The following ALK variants were observed in gnomAD, a reference collection of about 807,000 sequenced individuals.
ALK encodes the protein ALK tyrosine kinase receptor.
A neutral mutation model predicts 163.1 loss-of-function variants in ALK; 74 were observed. The ratio of observed to expected loss-of-function variants is 0.45; its 90% confidence interval spans 0.38 to 0.55. The LOEUF is 0.55. Ranked by LOEUF, ALK falls within the 20% of genes least tolerant of loss-of-function variation. The pLI is 0.00. For missense variants in ALK, 2,063 were observed against 2,105.3 expected, an observed-to-expected ratio of 0.98 and a Z score of 0.39; for synonymous variants, 960 against 843.2, an observed-to-expected ratio of 1.14 and a Z score of -2.40.
intron 3 of ALK, among the ~76,000 whole-genome samples, chr2:29,572,613 A>G (rs1295052811): frequency 6.6e-6 from 1 of 152,050 alleles, no homozygotes; most frequent in Non-Finnish European, 1.5e-5. Context: ...TCTTCACCAG[A>G]GCACCTCCCA....
intron 1 of ALK, among the ~76,000 whole-genome samples, chr2:29,865,741 A>G (rs970057706): frequency 2.0e-5 from 3 of 152,366 alleles, no homozygotes; most frequent in East Asian, 3.9e-4. Flanking sequence ...TGAAAAGATA[A>G]GTTTACTCAA....
intron 5 of ALK, among the ~76,000 whole-genome samples, chr2:29,379,642 T>C (rs2148298590): frequency 6.6e-6 from 1 of 152,260 alleles, no homozygotes; most frequent in South Asian, 2.1e-4. Flanking sequence ...GGCCCCTTTT[T>C]CTATTATTTT....
intron 4 of ALK, among the ~76,000 whole-genome samples, chr2:29,398,093 G>T (rs1272274791): frequency 1.3e-5 from 2 of 152,194 alleles, no homozygotes; most frequent in African/African-American, 4.8e-5. Context: ...TTTAAGGGAT[G>T]CTGAGCCTGC....
At chr2:29,370,537 C>T (rs1305862863) in intron 5 of ALK, among the ~76,000 whole-genome samples, 1 of 152,228 alleles carries the variant, frequency 6.6e-6, no homozygotes, top group African/African-American at 2.4e-5. Flanking sequence ...ATTTCACAAA[C>T]GATTGAAAGG....
intron 4 of ALK, among the ~76,000 whole-genome samples, chr2:29,413,687 A>G (rs548187387): frequency 5.3e-5 from 8 of 152,174 alleles, no homozygotes; most frequent in African/African-American, 1.7e-4. Flanking sequence ...ACCCTCCACC[A>G]TGCCCGGCTA....
Position 29,346,090 on chromosome 2 carries a change from G to A in ALK, c.1283-17609C>T, listed in dbSNP as rs368774513. 6.6e-5 allele frequency among the ~76,000 whole-genome samples: 10 copies of A among 152,298 alleles called. No homozygotes were observed. The South Asian group carries it at 1.7e-3, about 25-fold the overall frequency. On this transcript the variant is annotated intron_variant, in intron 5 of 28. Transcript: ENST00000389048. ...AAGGAAGTAAATTTCTCTAAAAGAAGCATGAGTGAGTCAGTCCTTCTTTTT... is the reference window on the plus strand; with the variant it reads ...AAGGAAGTAAATTTCTCTAAAAGAAACATGAGTGAGTCAGTCCTTCTTTTT...
chr2:29,852,385 C>T (rs1382656377), intron 1 of ALK, among the ~76,000 whole-genome samples: 1 of 152,156 alleles, frequency 6.6e-6, no homozygotes, highest in Non-Finnish European at 1.5e-5. Flanking sequence ...AACAGACTAG[C>T]AGCCCCACTC....
At chr2:29,352,331 T>G (rs6716914) in intron 5 of ALK, among the ~76,000 whole-genome samples, 139,053 of 152,318 alleles carry the variant, frequency 0.91, 63,523 homozygotes, top group East Asian at 1. Flanking sequence ...GCCTTTAAAA[T>G]CTGTGTGGGG....
At chr2:29,456,084 T>C (rs981713305) in intron 4 of ALK, among the ~76,000 whole-genome samples, 1 of 152,130 alleles carries the variant, frequency 6.6e-6, no homozygotes, top group African/African-American at 2.4e-5. Flanking sequence ...GTGGGTAAGG[T>C]GGAGGAGAAA....
intron 1 of ALK, among the ~76,000 whole-genome samples, chr2:29,840,565 G>T (rs1285443739): frequency 6.6e-6 from 1 of 151,914 alleles, no homozygotes; most frequent in East Asian, 1.9e-4. Flanking sequence ...CTTTCCCTTT[G>T]CATCTCAGAA....
chr2:29,841,400 C>T (rs1665694597), intron 1 of ALK, among the ~76,000 whole-genome samples: 1 of 152,206 alleles, frequency 6.6e-6, no homozygotes, highest in Non-Finnish European at 1.5e-5. Flanking sequence ...ATCCAAGTTT[C>T]CTTAATGCAG....
chr2:29,750,428 C>T (rs1268350581), intron 1 of ALK, among the ~76,000 whole-genome samples: 1 of 152,026 alleles, frequency 6.6e-6, no homozygotes, highest in Non-Finnish European at 1.5e-5. Flanking sequence ...CTTTGGAGGC[C>T]AAGGTGGGAG....
rs772870698 is a variant in ALK at position 29,196,727 on chromosome 2, T to C, written c.4164+43A>G. ...CGGTATTTGCCATCTTTAAGACTGTTTCATATAGAGTAAATGTTGACCAAA... is the reference window on the plus strand; with the variant it reads ...CGGTATTTGCCATCTTTAAGACTGTCTCATATAGAGTAAATGTTGACCAAA... On this transcript the variant is annotated intron_variant, in intron 28 of 28. Transcript: ENST00000389048. 15 of 1,434,972 alleles carry C rather than the reference T, an allele frequency of 1.0e-5. No individual in the cohort carries two copies. In the Middle Eastern group the frequency reaches 8.7e-4, roughly 83 times the overall value. The allele number at this position is 1,434,972 out of a possible 1,614,324, so 88.9% of individuals were successfully genotyped here.
intron 3 of ALK, among the ~76,000 whole-genome samples, chr2:29,614,194 C>T (rs748391548): frequency 1.4e-4 from 22 of 152,188 alleles, no homozygotes; most frequent in Admixed American, 1.1e-3. Flanking sequence ...GCCTGCCTCC[C>T]GAACCCTTAG....
chr2:29,489,758 A>G (rs1671857544), intron 4 of ALK, among the ~76,000 whole-genome samples: 1 of 152,248 alleles, frequency 6.6e-6, no homozygotes, highest in South Asian at 2.1e-4. Flanking sequence ...AGGGATGAAG[A>G]GCTGTCTCAG....
intron 3 of ALK, among the ~76,000 whole-genome samples, chr2:29,555,772 A>G (rs1673838365): frequency 1.3e-5 from 2 of 152,184 alleles, no homozygotes; most frequent in Non-Finnish European, 2.9e-5. Context: ...CAGACTCCCA[A>G]TTTCTTTGGA....
At chr2:29,448,833 AC>A (rs1312665832) in intron 4 of ALK, among the ~76,000 whole-genome samples, 1 of 152,202 alleles carries the variant, frequency 6.6e-6, no homozygotes, top group Non-Finnish European at 1.5e-5. Flanking sequence ...AAATGTCTGC[AC>A]CTGAATCCTC....
intron 3 of ALK, among the ~76,000 whole-genome samples, chr2:29,680,857 C>G (rs562312761): frequency 2.0e-5 from 3 of 152,086 alleles, no homozygotes; most frequent in Middle Eastern, 3.4e-3. Flanking sequence ...AGGTTCTTTT[C>G]TTGTTCTTAT....
chr2:29,899,111 C>T (rs1667344932), intron 1 of ALK, among the ~76,000 whole-genome samples: 1 of 152,134 alleles, frequency 6.6e-6, no homozygotes, highest in Non-Finnish European at 1.5e-5. Flanking sequence ...CAGGCCCTAC[C>T]CCCGACCTAC....
Sources: allele counts gnomAD v4.1 joint callset (sites outside exome capture counted in the v4.1 genomes callset), GRCh38; gene constraint gnomAD v4.1.1; transcripts MANE v1.5; gene names NCBI Gene and HGNC (gene_info 2026-07-23, HGNC 2026-07-21).